APP: variants seen among roughly 807,000 people sequenced by gnomAD.
The protein encoded by APP is amyloid-beta precursor protein.
APP carries 31 observed loss-of-function variants against 101.4 expected under a neutral mutation model. The observed-to-expected ratio is 0.31, with a 90% confidence interval of 0.23 to 0.41. The LOEUF (loss-of-function observed/expected upper bound fraction) is 0.41, where lower values mean the gene tolerates loss of function less well. APP is among the 10% of genes least tolerant of loss of function. The pLI, the probability that APP is intolerant of heterozygous loss-of-function variation, is 1.00. For missense variants in APP, 839 were observed against 1,003.7 expected, an observed-to-expected ratio of 0.84 and a Z score of 2.22; for synonymous variants, 366 against 364.4, an observed-to-expected ratio of 1.00 and a Z score of -0.05.
chr21:25,971,760 G>A (rs1441923203), intron 11 of APP, among the ~76,000 whole-genome samples: 2 of 152,184 alleles, frequency 1.3e-5, no homozygotes, highest in African/African-American at 4.8e-5. Context: ...CGAGTCAGGT[G>A]AGAAAACTTA....
Position 26,051,111 on chromosome 21 carries a change from A to C in APP, c.551T>G (p.Phe184Cys). 6.2e-7 allele frequency: 1 copy of C among 1,614,180 alleles called. No individual in the cohort carries two copies. Among genetic ancestry groups the C allele is most frequent in the Non-Finnish European group, 8.5e-7 (1 of 1,180,028 alleles). Residue 184 changes from phenylalanine (F) to cysteine (C), a missense_variant, in exon 5 of 18, where the codon TTT becomes TGT. By Grantham distance (205) the Phe-to-Cys change is radical. Coordinates refer to ENST00000346798, the MANE Select transcript of APP (RefSeq NM_000484.4). ...TTCTTCAGCCAGTGGGCAACACACA[A>C]ACTCTACCCCTCGGAACTTGTCAAT... Reference protein sequence around the residue: ...CGIDKFRGVEFVCCPLAEESD... With the variant: ...CGIDKFRGVECVCCPLAEESD...
intron 3 of APP, among the ~76,000 whole-genome samples, chr21:26,077,856 G>A (rs731523): frequency 0.049 from 7,372 of 151,936 alleles, 381 homozygotes; most frequent in East Asian, 0.23. Context: ...ATGGAAGAGG[G>A]AATGTTTAAT....
At chr21:26,058,382 A>G (rs911620425) in intron 3 of APP, among the ~76,000 whole-genome samples, 1 of 152,212 alleles carries the variant, frequency 6.6e-6, no homozygotes, top group African/African-American at 2.4e-5. Flanking sequence ...AGCAGAGCAC[A>G]TTGTCACCCT....
chr21:25,996,919 T>C (rs2043078448), intron 8 of APP, among the ~76,000 whole-genome samples: 1 of 152,232 alleles, frequency 6.6e-6, no homozygotes, highest in Non-Finnish European at 1.5e-5. Flanking sequence ...GGCAGGAGCC[T>C]GGACCATTTC....
intron 5 of APP, among the ~76,000 whole-genome samples, chr21:26,025,087 G>T (rs1403793611): frequency 6.6e-6 from 1 of 152,048 alleles, no homozygotes. Flanking sequence ...TCTCCTCGTA[G>T]AAATAAATGA....
At position 26,170,636 on chromosome 21, in the gene APP, G is replaced by C; in HGVS notation, c.-16C>G. 1.3e-6 allele frequency: 2 copies of C among 1,532,646 alleles called. No homozygotes were observed. The highest frequency in any genetic ancestry group is 1.7e-6 in the Non-Finnish European group (2 of 1,144,492). 94.9% of individuals were successfully genotyped at this position (1,532,646 alleles called of 1,614,324 possible). A position where few individuals can be genotyped will look rare whatever the true frequency, so the allele number is the denominator to read the frequency against. Reference sequence around the variant, plus strand: ...CGGGCAGCATCGCGACCCTGCGCGGGGCACCGAGTGCGCTGCTGTGCGAGT... The same window carrying C: ...CGGGCAGCATCGCGACCCTGCGCGGCGCACCGAGTGCGCTGCTGTGCGAGT... On this transcript the variant is annotated 5_prime_UTR_variant, in exon 1 of 18. Coordinates refer to ENST00000346798, the MANE Select transcript of APP (RefSeq NM_000484.4).
At chr21:26,166,564 T>C (rs1334441693) in intron 1 of APP, among the ~76,000 whole-genome samples, 1 of 151,748 alleles carries the variant, frequency 6.6e-6, no homozygotes, top group Non-Finnish European at 1.5e-5. Flanking sequence ...TGCCTGAATG[T>C]AGAATCACAA....
At chr21:26,168,468 C>T (rs756148070) in intron 1 of APP, among the ~76,000 whole-genome samples, 29 of 152,174 alleles carry the variant, frequency 1.9e-4, no homozygotes, top group Admixed American at 5.2e-4. Context: ...ACAATAGCTA[C>T]TGAAAAGGTC....
chr21:26,124,940 G>T (rs2062650225), intron 1 of APP, among the ~76,000 whole-genome samples: 1 of 152,230 alleles, frequency 6.6e-6, no homozygotes, highest in African/African-American at 2.4e-5. Context: ...TAATCCAATG[G>T]TGGAGACACA....
chr21:26,053,710 G>A (rs1441676851), intron 3 of APP, among the ~76,000 whole-genome samples: 2 of 152,194 alleles, frequency 1.3e-5, no homozygotes, highest in Non-Finnish European at 2.9e-5. Flanking sequence ...GTCTAGGTAA[G>A]CATTTGAGCA....
chr21:25,984,805 C>A (rs1402533674), intron 8 of APP, among the ~76,000 whole-genome samples: 1 of 152,196 alleles, frequency 6.6e-6, no homozygotes, highest in Non-Finnish European at 1.5e-5. Flanking sequence ...ATAGTCCAAT[C>A]TGGCAGAATG....
chr21:26,114,802 T>C (rs1471229903), intron 1 of APP, among the ~76,000 whole-genome samples: 1 of 152,216 alleles, frequency 6.6e-6, no homozygotes, highest in African/African-American at 2.4e-5. Context: ...TCTGTTGGCA[T>C]ATGTGTGTAT....
At chr21:25,962,897 C>T (rs1268787889) in intron 11 of APP, among the ~76,000 whole-genome samples, 2 of 152,152 alleles carry the variant, frequency 1.3e-5, no homozygotes, top group Non-Finnish European at 1.5e-5. Context: ...ACTGCAACCT[C>T]CACCTCCTGG....
At chr21:25,885,134 C>G (rs2037239605) in intron 17 of APP, among the ~76,000 whole-genome samples, 1 of 152,260 alleles carries the variant, frequency 6.6e-6, no homozygotes, top group South Asian at 2.1e-4. Context: ...AAGGGATTAT[C>G]TTGACAAAAG....
At chr21:25,946,198 G>T (rs2040813868) in intron 13 of APP, among the ~76,000 whole-genome samples, 1 of 152,062 alleles carries the variant, frequency 6.6e-6, no homozygotes, top group African/African-American at 2.4e-5. Flanking sequence ...CATAGTAACT[G>T]CCACAAAAGA....
At chr21:26,082,561 C>G (rs2061619481) in intron 3 of APP, among the ~76,000 whole-genome samples, 1 of 152,178 alleles carries the variant, frequency 6.6e-6, no homozygotes, top group African/African-American at 2.4e-5. Flanking sequence ...AAAACTACTA[C>G]TCTTATCATG....
At chr21:26,097,174 C>T (rs1046236574) in intron 2 of APP, among the ~76,000 whole-genome samples, 9 of 152,318 alleles carry the variant, frequency 5.9e-5, no homozygotes, top group African/African-American at 1.2e-4. Context: ...AATCTCTGTG[C>T]GCAGACCATT....
chr21:26,153,098 A>G (rs2063311209), intron 1 of APP, among the ~76,000 whole-genome samples: 1 of 152,228 alleles, frequency 6.6e-6, no homozygotes, highest in Non-Finnish European at 1.5e-5. Flanking sequence ...AGTTAGGAAT[A>G]AGCAAAGGCA....
intron 15 of APP, among the ~76,000 whole-genome samples, chr21:25,903,669 A>G (rs2038632822): frequency 1.3e-5 from 2 of 152,178 alleles, no homozygotes; most frequent in African/African-American, 2.4e-5. Flanking sequence ...AGGCCTTACA[A>G]GTTGGCTGAG....
Sources: gnomAD v4.1 joint callset for allele counts (sites outside exome capture counted in the v4.1 genomes callset) on GRCh38, gnomAD v4.1.1 for gene constraint, MANE v1.5 for transcripts, NCBI Gene and HGNC (gene_info 2026-07-23, HGNC 2026-07-21) for gene names.